Variants in ADAMTS19 observed in about 807,000 individuals in gnomAD.
The protein encoded by ADAMTS19 is ADAM metallopeptidase with thrombospondin type 1 motif 19, also known as A disintegrin and metalloproteinase with thrombospondin motifs 19.
In ADAMTS19, 93 loss-of-function variants were observed where a neutral mutation model predicts 153.3. The ratio of observed to expected loss-of-function variants is 0.61; its 90% CI spans 0.51 to 0.72. The LOEUF (loss-of-function observed/expected upper bound fraction) is 0.72. Among genes scored for constraint, ADAMTS19 ranks in the 30% least tolerant of loss-of-function variants. The pLI is 0.00. For missense variants in ADAMTS19, 1,482 were observed against 1,552.1 expected (o/e 0.95, Z 0.76); for synonymous variants, 600 against 556.6 (o/e 1.08, Z -1.10).
intron 3 of ADAMTS19, among the ~76,000 whole-genome samples, chr5:129,516,422 T>A (rs1751610728): frequency 6.6e-6 from 1 of 151,782 alleles, no homozygotes; most frequent in Non-Finnish European, 1.5e-5. Flanking sequence ...AGTGAAGCCA[T>A]AGGGTCCTGG....
At chr5:129,595,036 C>T (rs1750309913) in intron 7 of ADAMTS19, among the ~76,000 whole-genome samples, 1 of 152,050 alleles carries the variant, frequency 6.6e-6, no homozygotes, top group South Asian at 2.1e-4. Flanking sequence ...ATAAAAAAAA[C>T]TACATCCATA....
intron 3 of ADAMTS19, among the ~76,000 whole-genome samples, chr5:129,520,547 G>T (rs1452323956): frequency 6.6e-6 from 1 of 152,108 alleles, no homozygotes; most frequent in Non-Finnish European, 1.5e-5. Flanking sequence ...AACAATGTTT[G>T]TAAACACCTT....
At chr5:129,614,722 A>G (rs896424864) in intron 8 of ADAMTS19, among the ~76,000 whole-genome samples, 5 of 152,100 alleles carry the variant, frequency 3.3e-5, no homozygotes, top group Admixed American at 2.6e-4. Flanking sequence ...AGGGTATTCA[A>G]TTAGGAAAAG....
chr5:129,669,280 T>C (rs1048505370), intron 16 of ADAMTS19, among the ~76,000 whole-genome samples: 2 of 152,122 alleles, frequency 1.3e-5, no homozygotes, highest in African/African-American at 2.4e-5. Flanking sequence ...ATTACTGATT[T>C]AATCTCCTTG....
In ADAMTS19 at chr5:129,607,956, T is replaced by C. The variant is rs193175186; in HGVS notation, c.1478+11292T>C. Among the ~76,000 whole-genome samples, 854 of 146,450 alleles carry C rather than the reference T, an allele frequency of 5.8e-3. 1 individual carries two copies. The highest frequency in any genetic ancestry group is 9.0e-3 in the Non-Finnish European group (603 of 67,310). On this transcript the variant is annotated intron_variant, in intron 8 of 22. Coordinates refer to ENST00000274487, the MANE Select transcript of ADAMTS19 (RefSeq NM_133638.6). ...GTGTGTGTGTGTATGCATATATATA[T>C]ACACACACATATATATATTTCCATT...
Position 129,508,556 on chromosome 5 carries a change from C to G in ADAMTS19, c.748-521C>G, listed in dbSNP as rs545808277. Among the ~76,000 whole-genome samples, 7 of 152,046 alleles carry G rather than the reference C, an allele frequency of 4.6e-5. No homozygotes were observed. The East Asian group carries it at 1.4e-3, about 29-fold the overall frequency. On this transcript the variant is annotated intron_variant, in intron 2 of 22. Coordinates refer to ENST00000274487, the MANE Select transcript of ADAMTS19 (RefSeq NM_133638.6). ...TAAGTAATGCTTCATTTTTCTCTAACTTATTCTTCAAGGGCTTTTAAAATA... is the reference window on the plus strand; with the variant it reads ...TAAGTAATGCTTCATTTTTCTCTAAGTTATTCTTCAAGGGCTTTTAAAATA...
intron 7 of ADAMTS19, among the ~76,000 whole-genome samples, chr5:129,573,169 T>A (rs1753973500): frequency 1.3e-5 from 2 of 152,046 alleles, no homozygotes; most frequent in South Asian, 4.1e-4. Context: ...CCCAGTTTTG[T>A]ACCTCTTTTA....
Position 129,512,078 on chromosome 5 carries a change from G to T in ADAMTS19, c.913+2836G>T, listed in dbSNP as rs1751454666. On this transcript the variant is annotated intron_variant, in intron 3 of 22. Coordinates refer to ENST00000274487, the MANE Select transcript of ADAMTS19 (RefSeq NM_133638.6). The stretch of plus-strand genomic sequence containing the variant: ...CATGGACCAGAAACTGAAGGGACTT[G>T]AGTGCCCTGGTAAGGACTTTATCTT... Among the ~76,000 whole-genome samples, 4 of 151,986 alleles carry T rather than the reference G, an allele frequency of 2.6e-5. No homozygotes were observed. In the South Asian group the frequency reaches 8.3e-4, roughly 31 times the overall value.
intron 21 of ADAMTS19, among the ~76,000 whole-genome samples, chr5:129,725,412 T>A (rs1377802787): frequency 6.6e-6 from 1 of 151,920 alleles, no homozygotes; most frequent in African/African-American, 2.4e-5. Context: ...TTTACTGGAG[T>A]TGCATGCATG....
chr5:129,730,681 A>T (rs1241161570), intron 21 of ADAMTS19, among the ~76,000 whole-genome samples: 1 of 152,148 alleles, frequency 6.6e-6, no homozygotes, highest in African/African-American at 2.4e-5. Context: ...ACCGCACAGC[A>T]TAATCAGCTA....
intron 3 of ADAMTS19, among the ~76,000 whole-genome samples, chr5:129,525,317 A>G (rs1751970342): frequency 6.6e-6 from 1 of 152,026 alleles, no homozygotes; most frequent in African/African-American, 2.4e-5. Context: ...CACTTGATAT[A>G]GTAAGTGTCT....
At chr5:129,550,471 T>G (rs1022431533) in intron 6 of ADAMTS19, among the ~76,000 whole-genome samples, 1 of 145,868 alleles carries the variant, frequency 6.9e-6, no homozygotes. Flanking sequence ...CATGTATCTG[T>G]ATATGTATGT....
At chr5:129,735,433 C>A (rs1196221328) in intron 22 of ADAMTS19, among the ~76,000 whole-genome samples, 1 of 151,930 alleles carries the variant, frequency 6.6e-6, no homozygotes, top group Non-Finnish European at 1.5e-5. Flanking sequence ...AAGTTAATAT[C>A]TGTGGAAAGA....
intron 8 of ADAMTS19, among the ~76,000 whole-genome samples, chr5:129,608,889 A>G (rs986313244): frequency 2.0e-5 from 3 of 152,072 alleles, no homozygotes; most frequent in Non-Finnish European, 2.9e-5. Context: ...GAACTAAATA[A>G]GAAATGCATA....
intron 7 of ADAMTS19, among the ~76,000 whole-genome samples, chr5:129,581,814 A>T (rs1749529737): frequency 6.6e-6 from 1 of 152,062 alleles, no homozygotes; most frequent in Non-Finnish European, 1.5e-5. Flanking sequence ...CTTTGTTCTC[A>T]TTGGTTTTAA....
intron 16 of ADAMTS19, among the ~76,000 whole-genome samples, chr5:129,666,037 A>G (rs778139620): frequency 2.0e-5 from 3 of 151,150 alleles, no homozygotes; most frequent in Non-Finnish European, 3.0e-5. Context: ...TTTTGAAGTA[A>G]TGTTCTACAT....
At chr5:129,485,530 T>G (rs1750561284) in intron 2 of ADAMTS19, among the ~76,000 whole-genome samples, 1 of 152,040 alleles carries the variant, frequency 6.6e-6, no homozygotes, top group Non-Finnish European at 1.5e-5. Context: ...AAATTAATAT[T>G]CTGTAATGAA....
rs932182323 is a variant in ADAMTS19, at chr5:129,643,629, G to GA, written c.1872+1677dup. ...AATTGTTTAAATCCAAACTATTTTT[G>GA]AAAAAAAACTAGAAATATTTTATCA... is the stretch of plus-strand genomic sequence containing the variant. On this transcript the variant is annotated intron_variant, in intron 11 of 22. Transcript: ENST00000274487. 6.6e-5 allele frequency among the ~76,000 whole-genome samples: 10 copies of GA among 151,126 alleles called. No homozygotes were observed. The South Asian group carries it at 1.0e-3, about 16-fold the overall frequency.
At chr5:129,583,730 G>A (rs746673566) in intron 7 of ADAMTS19, among the ~76,000 whole-genome samples, 3 of 151,534 alleles carry the variant, frequency 2.0e-5, no homozygotes, top group South Asian at 2.1e-4. Context: ...TATGCTTCAC[G>A]AAGTTCTTGT....
Sources: allele counts gnomAD v4.1 joint callset (sites outside exome capture counted in the v4.1 genomes callset), GRCh38; gene constraint gnomAD v4.1.1; transcripts MANE v1.5; gene names NCBI Gene and HGNC (gene_info 2026-07-23, HGNC 2026-07-21).